The following DCC variants were observed in gnomAD, a reference collection of about 807,000 sequenced individuals.
DCC encodes the protein DCC netrin 1 receptor, also known as netrin receptor DCC.
Under a neutral mutation model 172.5 loss-of-function variants are expected in DCC, and 58 were observed. The ratio of observed to expected loss-of-function variants is 0.34; its 90% CI spans 0.27 to 0.42. The LOEUF is 0.42. Among genes scored for constraint, DCC ranks in the 10% least tolerant of loss-of-function variants. DCC has a pLI of 1.00. For missense variants in DCC, 1,740 were observed against 1,791.0 expected (o/e 0.97, Z 0.51); for synonymous variants, 709 against 644.5 (o/e 1.10, Z -1.52).
At chr18:52,658,394 G>A (rs1045127399) in intron 1 of DCC, among the ~76,000 whole-genome samples, 1 of 151,936 alleles carries the variant, frequency 6.6e-6, no homozygotes, top group Non-Finnish European at 1.5e-5. Flanking sequence ...TTATATACAG[G>A]TCTTTTTTAT....
At chr18:53,215,734 G>A (rs546822538) in intron 12 of DCC, 137 bp downstream of exon 12, 120 of 761,676 alleles carry the variant, frequency 1.6e-4, no homozygotes, top group South Asian at 1.1e-3. Context: ...AACACAGCAA[G>A]TGACATTGAT....
intron 13 of DCC, among the ~76,000 whole-genome samples, chr18:53,319,165 A>G (rs922226122): frequency 1.3e-5 from 2 of 152,210 alleles, no homozygotes; most frequent in Non-Finnish European, 2.9e-5. Context: ...AACATACCGA[A>G]TTGTAAAGAC....
chr18:52,648,241 G>A (rs2035056678), intron 1 of DCC, among the ~76,000 whole-genome samples: 1 of 152,186 alleles, frequency 6.6e-6, no homozygotes, highest in African/African-American at 2.4e-5. Context: ...TTGGTAGCTT[G>A]AAAACAGACT....
intron 1 of DCC, among the ~76,000 whole-genome samples, chr18:52,495,290 G>C (rs1349934): frequency 0.057 from 8,710 of 152,102 alleles, 304 homozygotes; most frequent in South Asian, 0.12. Context: ...GTGGGATCCT[G>C]ACAGTTCAAG....
chr18:52,379,112 C>T (rs1275373854), intron 1 of DCC, among the ~76,000 whole-genome samples: 5 of 152,114 alleles, frequency 3.3e-5, no homozygotes, highest in Non-Finnish European at 7.4e-5. Flanking sequence ...TCAGGTGCCA[C>T]GGGAAATGTG....
intron 12 of DCC, among the ~76,000 whole-genome samples, chr18:53,303,453 TG>T (rs1308510256): frequency 6.6e-6 from 1 of 152,228 alleles, no homozygotes; most frequent in East Asian, 1.9e-4. Context: ...GGGCCTTCTT[TG>T]ATGTCTGGTA....
In DCC at chr18:52,830,347, ATTC is replaced by A. The variant is rs577949658; in HGVS notation, c.413-75689_413-75687del. ...TGTATTTTATGTGTGGCCCAAGACAATTCTTCTTCTAGTGTGTTCCAATGAAGC... is the reference window on the plus strand; with the variant it reads ...TGTATTTTATGTGTGGCCCAAGACAATTCTTCTAGTGTGTTCCAATGAAGC... On this transcript the variant is annotated intron_variant, in intron 2 of 28. Coordinates refer to ENST00000442544, the MANE Select transcript of DCC (RefSeq NM_005215.4). Among the ~76,000 whole-genome samples, 35 of 152,250 alleles carry A rather than the reference ATTC, an allele frequency of 2.3e-4. 1 individual carries two copies. Among genetic ancestry groups the A allele is most frequent in the East Asian group, 1.2e-3 (6 of 5,178 alleles).
At chr18:53,041,329 T>C (rs1012648424) in intron 5 of DCC, among the ~76,000 whole-genome samples, 2 of 152,008 alleles carry the variant, frequency 1.3e-5, no homozygotes, top group African/African-American at 4.8e-5. Flanking sequence ...GTTGTAGATG[T>C]GGTGTTATTT....
intron 2 of DCC, among the ~76,000 whole-genome samples, chr18:52,780,838 T>G (rs930929112): frequency 6.6e-6 from 1 of 152,150 alleles, no homozygotes; most frequent in Non-Finnish European, 1.5e-5. Context: ...TGCCATACTT[T>G]GGAGTAGCAT....
intron 12 of DCC, among the ~76,000 whole-genome samples, chr18:53,216,368 A>G (rs1418816056): frequency 6.6e-6 from 1 of 152,208 alleles, no homozygotes; most frequent in African/African-American, 2.4e-5. Flanking sequence ...ATTGGCCTAA[A>G]TGATTTCTAA....
At chr18:52,424,993 C>T (rs1202324040) in intron 1 of DCC, among the ~76,000 whole-genome samples, 1 of 151,756 alleles carries the variant, frequency 6.6e-6, no homozygotes, top group Non-Finnish European at 1.5e-5. Context: ...GCATAGATGG[C>T]ATACTGGTCA....
At chr18:53,154,603 C>T (rs2054698481) in intron 7 of DCC, among the ~76,000 whole-genome samples, 1 of 152,060 alleles carries the variant, frequency 6.6e-6, no homozygotes, top group Admixed American at 6.6e-5. Context: ...GTGGTAATTC[C>T]AGTTAGAGAG....
chr18:53,352,044 C>T (rs1367726800), intron 15 of DCC, among the ~76,000 whole-genome samples: 1 of 151,920 alleles, frequency 6.6e-6, no homozygotes, highest in African/African-American at 2.4e-5. Flanking sequence ...AAGAAAGGAG[C>T]CTGGTATCAA....
chr18:53,005,182 G>A (rs898846069), intron 5 of DCC, among the ~76,000 whole-genome samples: 2 of 152,110 alleles, frequency 1.3e-5, no homozygotes, highest in South Asian at 4.1e-4. Context: ...AACTTACCCA[G>A]TCTCAGGTAT....
chr18:53,229,045 ACTTCTGATTCAGTAGGTCTTTAAG>A (rs1334084910), intron 12 of DCC, among the ~76,000 whole-genome samples: 2 of 152,126 alleles, frequency 1.3e-5, no homozygotes, highest in Non-Finnish European at 2.9e-5. Context: ...CACTGTTGCT[ACTTCTGATTCAGTAGGTCTTTAAG>A]CCAGAAACTT....
intron 2 of DCC, among the ~76,000 whole-genome samples, chr18:52,805,931 A>C (rs1440136090): frequency 6.6e-6 from 1 of 152,228 alleles, no homozygotes; most frequent in Non-Finnish European, 1.5e-5. Context: ...TCACTGTACC[A>C]AGAAATCATT....
chr18:52,884,618 G>T (rs971877452), intron 2 of DCC, among the ~76,000 whole-genome samples: 1 of 151,992 alleles, frequency 6.6e-6, no homozygotes, highest in Admixed American at 6.6e-5. Context: ...CTTTAATTTT[G>T]TTGAGTTTCT....
At chr18:53,262,629 A>T (rs1219671206) in intron 12 of DCC, among the ~76,000 whole-genome samples, 1 of 152,220 alleles carries the variant, frequency 6.6e-6, no homozygotes, top group Non-Finnish European at 1.5e-5. Context: ...TTCTGTTTAT[A>T]TAATGAAAAA....
intron 1 of DCC, among the ~76,000 whole-genome samples, chr18:52,552,919 A>G (rs1440089002): frequency 1.3e-5 from 2 of 152,116 alleles, no homozygotes; most frequent in African/African-American, 4.8e-5. Flanking sequence ...AATATTTTAA[A>G]CATAATGTCT....
Sources: gnomAD v4.1 joint callset for allele counts (sites outside exome capture counted in the v4.1 genomes callset) on GRCh38, gnomAD v4.1.1 for gene constraint, MANE v1.5 for transcripts, NCBI Gene and HGNC (gene_info 2026-07-23, HGNC 2026-07-21) for gene names.